Variants in WDR7 observed in about 807,000 individuals in gnomAD.
The protein encoded by WDR7 is WD repeat-containing protein 7.
In WDR7, 46 loss-of-function variants were observed where a neutral mutation model predicts 169.4. That is an observed-to-expected ratio of 0.27 (90% CI 0.21 to 0.35). The LOEUF (loss-of-function observed/expected upper bound fraction) is 0.35, where lower values mean the gene tolerates loss of function less well. Ranked by LOEUF, WDR7 falls within the 10% of genes least tolerant of loss-of-function variation. WDR7 has a pLI of 1.00. For synonymous variants in WDR7, 612 were observed against 666.8 expected (o/e 0.92, Z 1.27); for missense variants, 1,534 against 1,859.3 (o/e 0.83, Z 3.22).
chr18:56,955,700 T>TACGG (rs1370869197), intron 25 of WDR7, among the ~76,000 whole-genome samples: 1 of 151,666 alleles, frequency 6.6e-6, no homozygotes, highest in East Asian at 1.9e-4. Context: ...TGATAGCTGA[T>TACGG]ACGGTTTGCA....
intron 21 of WDR7, among the ~76,000 whole-genome samples, chr18:56,892,490 C>T (rs2046277190): frequency 6.6e-6 from 1 of 152,048 alleles, no homozygotes; most frequent in African/African-American, 2.4e-5. Flanking sequence ...GATCAGCAAA[C>T]CATAACTGTA....
intron 19 of WDR7, among the ~76,000 whole-genome samples, chr18:56,791,143 T>TTGTG (rs1555691956): frequency 6.6e-6 from 1 of 152,034 alleles, no homozygotes; most frequent in Non-Finnish European, 1.5e-5. Context: ...CACAGGGTTT[T>TTGTG]TGTGTGTGTG....
intron 14 of WDR7, among the ~76,000 whole-genome samples, chr18:56,745,696 G>C (rs535784822): frequency 6.6e-6 from 1 of 152,146 alleles, no homozygotes; most frequent in Admixed American, 6.5e-5. Flanking sequence ...TGGCCTGAAG[G>C]TTGGGGACCC....
chr18:56,962,848 TTTG>T (rs1314808427), intron 26 of WDR7, among the ~76,000 whole-genome samples: 1 of 152,226 alleles, frequency 6.6e-6, no homozygotes, highest in Non-Finnish European at 1.5e-5. Context: ...TTCTGAAAAG[TTTG>T]ATGATATGTT....
At chr18:56,783,643 C>G (rs1487720499) in intron 19 of WDR7, among the ~76,000 whole-genome samples, 1 of 152,020 alleles carries the variant, frequency 6.6e-6, no homozygotes, top group Non-Finnish European at 1.5e-5. Context: ...AGCTGGCAGG[C>G]TATTGCAGAA....
At chr18:56,988,893 T>C (rs2047769252) in intron 26 of WDR7, among the ~76,000 whole-genome samples, 1 of 152,188 alleles carries the variant, frequency 6.6e-6, no homozygotes, top group South Asian at 2.1e-4. Flanking sequence ...GCCTTGTTTT[T>C]GTTCCGGTTT....
intron 20 of WDR7, among the ~76,000 whole-genome samples, chr18:56,843,206 T>C (rs1418741990): frequency 6.6e-6 from 1 of 152,232 alleles, no homozygotes; most frequent in African/African-American, 2.4e-5. Context: ...GATCACTTTT[T>C]TAAACTGTGA....
chr18:56,879,975 A>C lies in WDR7; in HGVS notation c.3336A>C (p.Lys1112Asn). Reference sequence around the variant, plus strand: ...TATCAAGTGTCCCACAAATGAAAAAAATTTCTACATCTTACGAGGAAAGAC... The same window carrying C: ...TATCAAGTGTCCCACAAATGAAAAACATTTCTACATCTTACGAGGAAAGAC... ...GCLSSVPQMK[K>N]ISTSYEERRK... The change falls in exon 21 of 28, where the codon AAA becomes AAC. Residue 1112 changes from lysine (K) to asparagine (N), a missense_variant. By Grantham distance (94) the Lys-to-Asn change is moderately conservative. Transcript: ENST00000254442. 1 of 1,613,972 alleles carries C rather than the reference A, an allele frequency of 6.2e-7. No homozygotes were observed.
At chr18:56,933,781 T>C (rs1350388156) in intron 22 of WDR7, among the ~76,000 whole-genome samples, 2 of 152,216 alleles carry the variant, frequency 1.3e-5, no homozygotes, top group African/African-American at 4.8e-5. Flanking sequence ...TGTAAATACC[T>C]GTATCAACCA....
intron 26 of WDR7, among the ~76,000 whole-genome samples, chr18:56,998,991 T>C (rs192592827): frequency 1.2e-3 from 186 of 152,340 alleles, no homozygotes; most frequent in Non-Finnish European, 2.2e-3. Context: ...ACTACTAGTA[T>C]GAATAATGTG....
At chr18:56,915,144 T>C (rs1394165501) in intron 21 of WDR7, among the ~76,000 whole-genome samples, 3 of 152,230 alleles carry the variant, frequency 2.0e-5, no homozygotes, top group African/African-American at 7.2e-5. Flanking sequence ...TTGAAAACAA[T>C]TTTTAATAAT....
At chr18:56,945,947 C>T (rs1432845715) in intron 25 of WDR7, among the ~76,000 whole-genome samples, 1 of 152,138 alleles carries the variant, frequency 6.6e-6, no homozygotes, top group Non-Finnish European at 1.5e-5. Flanking sequence ...AAGGAAATGC[C>T]TGAAGATATT....
chr18:56,808,520 T>G (rs1387286876), intron 19 of WDR7, among the ~76,000 whole-genome samples: 18 of 152,132 alleles, frequency 1.2e-4, no homozygotes, highest in Admixed American at 1.2e-3. Context: ...CCATCTAATC[T>G]TCAATAAAAA....
intron 27 of WDR7, 54 bp from the exon 28 acceptor site, chr18:57,026,950 T>C (rs774096031): frequency 1.3e-6 from 2 of 1,556,694 alleles, no homozygotes; most frequent in Non-Finnish European, 1.8e-6. Context: ...GTCTCTGTGA[T>C]AGGGAAAGGG....
In WDR7 at chr18:56,717,978, C is replaced by A; in HGVS notation, c.1593C>A (p.His531Gln). The A allele has an allele frequency of 6.2e-7, 1 of 1,612,962 alleles. No homozygotes were observed. The highest frequency in any genetic ancestry group is 1.1e-5 in the South Asian group (1 of 90,836). ...PPENCSARVQ[H>Q]CICSVASDHS... Reference sequence around the variant, plus strand: ...CTTCTTTTCAGGCAAGAGTACAGCACTGCATCTGCTCTGTAGCCAGTGACC... The same window carrying A: ...CTTCTTTTCAGGCAAGAGTACAGCAATGCATCTGCTCTGTAGCCAGTGACC... Residue 531 changes from histidine to glutamine, a missense_variant, in exon 13 of 28, where the codon CAC (histidine) becomes CAA (glutamine). Physicochemically the swap from His to Gln is conservative, Grantham distance 24 (BLOSUM62 0). Coordinates refer to ENST00000254442, the MANE Select transcript of WDR7 (RefSeq NM_015285.3).
At chr18:56,736,108 TC>T (rs980867612) in intron 14 of WDR7, among the ~76,000 whole-genome samples, 1 of 152,132 alleles carries the variant, frequency 6.6e-6, no homozygotes, top group African/African-American at 2.4e-5. Context: ...GCAGGTAAAC[TC>T]CAGTGGTGTC....
At chr18:56,984,464 A>T (rs780935431) in intron 26 of WDR7, among the ~76,000 whole-genome samples, 1 of 152,208 alleles carries the variant, frequency 6.6e-6, no homozygotes, top group Non-Finnish European at 1.5e-5. Flanking sequence ...GTTCTTATTT[A>T]CCCTTCTAAT....
At chr18:56,731,680 A>C (rs1181002799) in intron 14 of WDR7, 83 bp downstream of exon 14, 1 of 1,208,392 alleles carries the variant, frequency 8.3e-7, no homozygotes. Flanking sequence ...ATCTTAGAAA[A>C]TAATTTTTGA....
intron 16 of WDR7, among the ~76,000 whole-genome samples, chr18:56,764,387 G>A (rs1568181826): frequency 6.6e-6 from 1 of 151,840 alleles, no homozygotes; most frequent in East Asian, 1.9e-4. Context: ...GAATCCTTTG[G>A]CATTTGTTTC....
Sources: gnomAD v4.1 joint callset for allele counts (sites outside exome capture counted in the v4.1 genomes callset) on GRCh38, gnomAD v4.1.1 for gene constraint, MANE v1.5 for transcripts, NCBI Gene and HGNC (gene_info 2026-07-23, HGNC 2026-07-21) for gene names.